The following CSNK1G3 variants were observed in gnomAD, a reference collection of about 807,000 sequenced individuals.
CSNK1G3 encodes casein kinase I isoform gamma-3.
In CSNK1G3, 23 loss-of-function variants were observed where a neutral mutation model predicts 64.3. The observed-to-expected ratio is 0.36, with a 90% CI of 0.26 to 0.51. The LOEUF (loss-of-function observed/expected upper bound fraction) is 0.51. Ranked by LOEUF, CSNK1G3 falls within the 20% of genes least tolerant of loss-of-function variation. The pLI is 0.96. For missense variants in CSNK1G3, 357 were observed against 510.5 expected, an observed-to-expected ratio of 0.70 and a Z score of 2.90; for synonymous variants, 158 against 162.2, an observed-to-expected ratio of 0.97 and a Z score of 0.20.
intron 6 of CSNK1G3, 122 bp downstream of exon 6, chr5:123,576,085 A>T (rs1789098799): frequency 1.7e-6 from 1 of 597,148 alleles, no homozygotes; most frequent in African/African-American, 1.9e-5. Context: ...ATTTTCATTT[A>T]TCACATCTAC....
exon 8 of CSNK1G3, chr5:123,588,491 T>C (rs1365166813): frequency 6.2e-7 from 1 of 1,610,242 alleles, no homozygotes; most frequent in African/African-American, 1.3e-5. Flanking sequence ...CCAATAGAAG[T>C]GTTATGTGAA....
intron 10 of CSNK1G3, among the ~76,000 whole-genome samples, chr5:123,594,750 T>C (rs1793101655): frequency 6.6e-6 from 1 of 152,142 alleles, no homozygotes; most frequent in African/African-American, 2.4e-5. Flanking sequence ...TGGTTCTTTA[T>C]TAGTTCATTT....
intron 7 of CSNK1G3, 129 bp from the exon 8 acceptor site, chr5:123,588,298 A>G (rs1191460270): frequency 2.9e-6 from 3 of 1,035,222 alleles, no homozygotes; most frequent in African/African-American, 3.2e-5. Flanking sequence ...GCTGGTCTCA[A>G]ACTCCTGGGC....
intron 6 of CSNK1G3, among the ~76,000 whole-genome samples, chr5:123,583,941 C>T: frequency 6.6e-6 from 1 of 152,124 alleles, no homozygotes; most frequent in East Asian, 1.9e-4. Flanking sequence ...ATCCACCTGG[C>T]TCGACCTCCC....
At chr5:123,571,411 G>A (rs931878177) in intron 4 of CSNK1G3, among the ~76,000 whole-genome samples, 9 of 152,104 alleles carry the variant, frequency 5.9e-5, no homozygotes. Flanking sequence ...AGCCTCCCGA[G>A]TAGCTGGGAC....
chr5:123,599,212 CTA>C (rs1192940669), intron 10 of CSNK1G3, among the ~76,000 whole-genome samples: 4 of 152,138 alleles, frequency 2.6e-5, no homozygotes. Flanking sequence ...TGCTGGAAAA[CTA>C]TTTTACATGG....
Position 123,591,335 on chromosome 5 carries a change from C to G in CSNK1G3, c.1007C>G (p.Ala336Gly), listed in dbSNP as rs947091551. 1.7e-5 allele frequency: 27 copies of G among 1,605,530 alleles called. No homozygotes were observed. The highest frequency in any genetic ancestry group is 2.2e-5 in the Non-Finnish European group (26 of 1,175,300). The change falls in exon 10 of 13, where the codon GCA becomes GGA. Residue 336 changes from alanine to glycine, a missense_variant. Physicochemically the swap from Ala to Gly is moderately conservative, Grantham distance 60. This residue lies in a region of CSNK1G3 where 187 missense variants were observed against 217.1 expected (regional missense o/e 0.86). Transcript: ENST00000345990. ...GTATTGTAGCCTACTCCAGTGGGTG[C>G]AGTTCAGCAAGATCCTGCTCTGTCA...
At chr5:123,576,242 G>A (rs936738311) in intron 6 of CSNK1G3, among the ~76,000 whole-genome samples, 4 of 152,066 alleles carry the variant, frequency 2.6e-5, no homozygotes, top group Non-Finnish European at 5.9e-5. Flanking sequence ...TTATGGGGAT[G>A]CATTTAATCA....
chr5:123,567,695 C>T (rs1464942701), intron 4 of CSNK1G3, among the ~76,000 whole-genome samples: 3 of 152,164 alleles, frequency 2.0e-5, no homozygotes, highest in Admixed American at 2.0e-4. Flanking sequence ...AAAAGTTTGT[C>T]TTTCACAGTT....
chr5:123,581,740 A>G (rs1790330656), intron 6 of CSNK1G3, among the ~76,000 whole-genome samples: 1 of 151,806 alleles, frequency 6.6e-6, no homozygotes, highest in Admixed American at 6.6e-5. Flanking sequence ...ATAATTTTGA[A>G]AACTGAGCTC....
chr5:123,524,878 G>A (rs568174719), intron 1 of CSNK1G3, among the ~76,000 whole-genome samples: 2 of 151,766 alleles, frequency 1.3e-5, no homozygotes, highest in African/African-American at 2.4e-5. Context: ...GATAATGGGT[G>A]GGGGGGAGCA....
chr5:123,607,065 T>G (rs1795486741), intron 12 of CSNK1G3, among the ~76,000 whole-genome samples: 1 of 152,018 alleles, frequency 6.6e-6, no homozygotes, highest in Non-Finnish European at 1.5e-5. Context: ...GGGTGTGTGT[T>G]TGGGTCCCTA....
At position 123,564,974 on chromosome 5, in the gene CSNK1G3, G is replaced by T. The variant is rs184790414; in HGVS notation, c.289+7410G>T. Among the ~76,000 whole-genome samples, 426 of 152,054 alleles carry T rather than the reference G, an allele frequency of 2.8e-3. 3 individuals are homozygous for T. Among genetic ancestry groups the T allele is most frequent in the African/African-American group, 9.7e-3 (404 of 41,474 alleles). On this transcript the variant is annotated intron_variant, in intron 4 of 12. Coordinates refer to ENST00000345990, the Ensembl canonical transcript of CSNK1G3. ...TATCTCAGAGCACTTTTGTTGTTGT[G>T]GGTTGTAGCTATTGATATTTACCAT...
At chr5:123,582,675 G>A (rs1266202792) in intron 6 of CSNK1G3, among the ~76,000 whole-genome samples, 1 of 152,024 alleles carries the variant, frequency 6.6e-6, no homozygotes, top group Non-Finnish European at 1.5e-5. Flanking sequence ...TTGGCCTTGT[G>A]GAAAAACATT....
At chr5:123,523,238 G>A (rs1205386688) in intron 1 of CSNK1G3, among the ~76,000 whole-genome samples, 3 of 151,968 alleles carry the variant, frequency 2.0e-5, no homozygotes, top group African/African-American at 7.3e-5. Flanking sequence ...ATAGTATATT[G>A]TGTTTATTGC....
At chr5:123,519,991 A>C (rs1280442407) in intron 1 of CSNK1G3, among the ~76,000 whole-genome samples, 1 of 152,204 alleles carries the variant, frequency 6.6e-6, no homozygotes, top group African/African-American at 2.4e-5. Flanking sequence ...GCTTTGGAAA[A>C]ATTTAACCAG....
At chr5:123,556,793 G>A (rs899069683) in intron 3 of CSNK1G3, among the ~76,000 whole-genome samples, 2 of 147,382 alleles carry the variant, frequency 1.4e-5, no homozygotes, top group Non-Finnish European at 3.0e-5. Flanking sequence ...TGTGTGTGTG[G>A]TGTGTGTATA....
At chr5:123,516,739 A>G (rs550507724) in intron 1 of CSNK1G3, among the ~76,000 whole-genome samples, 1 of 152,358 alleles carries the variant, frequency 6.6e-6, no homozygotes, top group Non-Finnish European at 1.5e-5. Context: ...CACATGGCTA[A>G]ATCATGTCCG....
intron 4 of CSNK1G3, among the ~76,000 whole-genome samples, chr5:123,571,045 G>A (rs1787994292): frequency 6.6e-6 from 1 of 152,148 alleles, no homozygotes; most frequent in Admixed American, 6.5e-5. Context: ...CTTTACACAT[G>A]TGAGGGGTAG....
Sources: allele counts gnomAD v4.1 joint callset (sites outside exome capture counted in the v4.1 genomes callset), GRCh38; gene constraint gnomAD v4.1.1; regional missense constraint gnomAD v4.1.1; transcripts MANE v1.5; gene names NCBI Gene and HGNC (gene_info 2026-07-23, HGNC 2026-07-21).